Variants in ADAMTS12 observed in about 807,000 individuals in gnomAD.
ADAMTS12 encodes the protein A disintegrin and metalloproteinase with thrombospondin motifs 12.
Under a neutral mutation model 167.8 loss-of-function variants are expected in ADAMTS12, and 118 were observed. That is an observed-to-expected ratio of 0.70 (90% CI 0.61 to 0.82). The LOEUF is 0.82. Ranked by LOEUF, ADAMTS12 falls within the 40% of genes least tolerant of loss-of-function variation. ADAMTS12 has a pLI of 0.00. For missense variants in ADAMTS12, 1,916 were observed against 1,998.8 expected (o/e 0.96, Z 0.79); for synonymous variants, 704 against 716.9 (o/e 0.98, Z 0.29).
chr5:33,852,231 CTGAGAA>C, intron 2 of ADAMTS12, among the ~76,000 whole-genome samples: 1 of 152,204 alleles, frequency 6.6e-6, no homozygotes, highest in Non-Finnish European at 1.5e-5. Context: ...TAGAGATCGG[CTGAGAA>C]TACTGAAGGA....
At chr5:33,869,898 C>G (rs373992267) in intron 2 of ADAMTS12, among the ~76,000 whole-genome samples, 1 of 152,272 alleles carries the variant, frequency 6.6e-6, no homozygotes, top group East Asian at 1.9e-4. Context: ...CATGTTTCAT[C>G]CCTATCTACA....
chr5:33,535,769 G>T (rs1744371195), intron 22 of ADAMTS12, among the ~76,000 whole-genome samples: 1 of 152,130 alleles, frequency 6.6e-6, no homozygotes, highest in Non-Finnish European at 1.5e-5. Context: ...ATGTGAGGAG[G>T]GGTGGAGCTA....
chr5:33,633,718 A>G (rs947819545), intron 12 of ADAMTS12, among the ~76,000 whole-genome samples: 2 of 152,036 alleles, frequency 1.3e-5, no homozygotes, highest in African/African-American at 4.8e-5. Flanking sequence ...AGGAGGAGGC[A>G]AGGGTGGTAA....
At chr5:33,597,007 A>G (rs1737920224) in intron 16 of ADAMTS12, among the ~76,000 whole-genome samples, 1 of 152,192 alleles carries the variant, frequency 6.6e-6, no homozygotes, top group South Asian at 2.1e-4. Flanking sequence ...AACTATGTGT[A>G]TTTATATCAA....
At chr5:33,546,673 T>C (rs1353002892) in intron 21 of ADAMTS12, among the ~76,000 whole-genome samples, 2 of 152,202 alleles carry the variant, frequency 1.3e-5, no homozygotes, top group East Asian at 3.8e-4. Flanking sequence ...CTCAGATGCA[T>C]TGGCTGTTAA....
chr5:33,718,462 T>C (rs1743689854), intron 3 of ADAMTS12, among the ~76,000 whole-genome samples: 1 of 152,172 alleles, frequency 6.6e-6, no homozygotes, highest in South Asian at 2.1e-4. Flanking sequence ...TGAACCCTAT[T>C]CTGCACTGTA....
chr5:33,539,312 T>C (rs1181837940), intron 22 of ADAMTS12, among the ~76,000 whole-genome samples: 4 of 152,184 alleles, frequency 2.6e-5, no homozygotes, highest in Admixed American at 1.3e-4. Flanking sequence ...GGGAGAATAA[T>C]ACCTCTTTCC....
chr5:33,576,039 T>A lies in ADAMTS12; in HGVS notation c.3972+15A>T, dbSNP rs1746689193. The stretch of plus-strand genomic sequence containing the variant: ...TTTCCATGTAAAACCAGGCCAGGGG[T>A]AGGAAATGTCTTACCTCGCTCCAGT... On this transcript the variant is annotated intron_variant, in intron 19 of 23. Coordinates refer to ENST00000504830, the MANE Select transcript of ADAMTS12 (RefSeq NM_030955.4). 1 of 1,598,790 alleles carries A rather than the reference T, an allele frequency of 6.3e-7. No individual in the cohort carries two copies.
intron 4 of ADAMTS12, among the ~76,000 whole-genome samples, 188 bp from the exon 5 acceptor site, chr5:33,683,289 T>C (rs983462141): frequency 2.6e-5 from 4 of 152,204 alleles, no homozygotes; most frequent in Admixed American, 6.5e-5. Flanking sequence ...AAACAAAATC[T>C]TTCAGGGTGA....
At chr5:33,640,175 C>T (rs939700626) in intron 11 of ADAMTS12, among the ~76,000 whole-genome samples, 4 of 152,196 alleles carry the variant, frequency 2.6e-5, no homozygotes, top group African/African-American at 9.6e-5. Flanking sequence ...ACTTGAACCA[C>T]AGATCCAAAT....
chr5:33,735,846 C>T (rs1371681424), intron 3 of ADAMTS12, among the ~76,000 whole-genome samples: 2 of 152,124 alleles, frequency 1.3e-5, no homozygotes, highest in Admixed American at 1.3e-4. Context: ...CAGGAACATC[C>T]TGGTCACTAT....
intron 5 of ADAMTS12, among the ~76,000 whole-genome samples, chr5:33,672,009 A>C (rs1004088697): frequency 2.7e-5 from 4 of 150,862 alleles, no homozygotes; most frequent in African/African-American, 7.3e-5. Flanking sequence ...ATACTCACAT[A>C]CACACACATC....
At chr5:33,811,743 G>A (rs1747469134) in intron 2 of ADAMTS12, among the ~76,000 whole-genome samples, 1 of 152,210 alleles carries the variant, frequency 6.6e-6, no homozygotes, top group African/African-American at 2.4e-5. Flanking sequence ...TCTGACTGTG[G>A]CACCAAGAAT....
chr5:33,780,279 G>A (rs1201678027), intron 2 of ADAMTS12, among the ~76,000 whole-genome samples: 2 of 152,124 alleles, frequency 1.3e-5, no homozygotes, highest in Non-Finnish European at 2.9e-5. Context: ...GGTTAAAAAG[G>A]AGATCAGATG....
intron 2 of ADAMTS12, among the ~76,000 whole-genome samples, chr5:33,804,951 G>A (rs1471079655): frequency 1.3e-5 from 2 of 152,264 alleles, no homozygotes; most frequent in African/African-American, 4.8e-5. Flanking sequence ...GCACAGCAAA[G>A]ATGAAGTACC....
intron 2 of ADAMTS12, among the ~76,000 whole-genome samples, chr5:33,826,523 T>C (rs772574096): frequency 6.6e-6 from 1 of 151,966 alleles, no homozygotes; most frequent in Admixed American, 6.6e-5. Context: ...CATGAATATA[T>C]ATATGCTTTT....
intron 12 of ADAMTS12, 104 bp downstream of exon 12, chr5:33,637,473 G>C: frequency 1.6e-6 from 2 of 1,218,968 alleles, no homozygotes; most frequent in Non-Finnish European, 2.3e-6. Context: ...GTGTACAATT[G>C]TCTTTGTTAA....
At chr5:33,575,428 CA>C (rs201490084) in intron 19 of ADAMTS12, among the ~76,000 whole-genome samples, 11 of 151,282 alleles carry the variant, frequency 7.3e-5, no homozygotes, top group African/African-American at 2.4e-4. Flanking sequence ...TTCTGTAGGC[CA>C]AAAAAAAGGC....
At chr5:33,883,388 A>G (rs1311621157) in intron 1 of ADAMTS12, among the ~76,000 whole-genome samples, 1 of 128,630 alleles carries the variant, frequency 7.8e-6, no homozygotes, top group Non-Finnish European at 1.6e-5. Context: ...TTGTGGAATC[A>G]TTCTTCTCTG....
Sources: allele counts gnomAD v4.1 joint callset (sites outside exome capture counted in the v4.1 genomes callset), GRCh38; gene constraint gnomAD v4.1.1; transcripts MANE v1.5; gene names NCBI Gene and HGNC (gene_info 2026-07-23, HGNC 2026-07-21).